Variants in PBX1 observed in about 807,000 individuals in gnomAD.
PBX1 encodes pre-B-cell leukemia transcription factor 1.
A neutral mutation model predicts 53.4 loss-of-function variants in PBX1; 6 were observed. The observed-to-expected ratio is 0.11, with a 90% confidence interval of 0.06 to 0.22. PBX1 has a LOEUF of 0.22. Among genes scored for constraint, PBX1 ranks in the 10% least tolerant of loss-of-function variants. The probability of loss-of-function intolerance (pLI) is 1.00; values close to 1 mark genes in which losing one functional copy is unlikely to be tolerated. For synonymous variants in PBX1, 204 were observed against 212.3 expected, an observed-to-expected ratio of 0.96 and a Z score of 0.34; for missense variants, 251 against 551.4, an observed-to-expected ratio of 0.46 and a Z score of 5.46.
At chr1:164,590,525 A>G (rs541529706) in intron 2 of PBX1, 8 of 455,264 alleles carry the variant, frequency 1.8e-5, no homozygotes, top group African/African-American at 1.6e-4. Flanking sequence ...GGTGAGCCTT[A>G]ATGAGGAGGA....
At chr1:164,844,730 G>A (rs1050094157) in intron 8 of PBX1, among the ~76,000 whole-genome samples, 1 of 152,124 alleles carries the variant, frequency 6.6e-6, no homozygotes, top group Admixed American at 6.6e-5. Context: ...GGTTGGGATG[G>A]GAGGCTACAA....
chr1:164,575,714 T>C (rs148741016), intron 2 of PBX1, among the ~76,000 whole-genome samples: 1,647 of 152,234 alleles, frequency 0.011, 22 homozygotes, highest in South Asian at 0.034. Flanking sequence ...TTCCTTTCTG[T>C]AGAATTTGCA....
At chr1:164,726,299 G>A (rs966308675) in intron 2 of PBX1, among the ~76,000 whole-genome samples, 8 of 152,134 alleles carry the variant, frequency 5.3e-5, no homozygotes, top group African/African-American at 1.9e-4. Flanking sequence ...CCCTGCCATG[G>A]GTTTAGTGTA....
At chr1:164,611,194 G>A (rs894966368) in intron 2 of PBX1, among the ~76,000 whole-genome samples, 1 of 152,010 alleles carries the variant, frequency 6.6e-6, no homozygotes, top group Non-Finnish European at 1.5e-5. Context: ...CCTTTTTGGG[G>A]TCTGTTTTTC....
chr1:164,612,945 G>T (rs1657031849), intron 2 of PBX1, among the ~76,000 whole-genome samples: 1 of 152,148 alleles, frequency 6.6e-6, no homozygotes, highest in Admixed American at 6.5e-5. Context: ...AAGAAAAATA[G>T]ACCTACCTCC....
At chr1:164,711,103 G>T (rs929097640) in intron 2 of PBX1, among the ~76,000 whole-genome samples, 2 of 152,022 alleles carry the variant, frequency 1.3e-5, no homozygotes, top group Non-Finnish European at 2.9e-5. Context: ...TCTGTTTATG[G>T]TAACATTTGA....
chr1:164,701,331 G>A (rs1380238619), intron 2 of PBX1, among the ~76,000 whole-genome samples: 2 of 152,214 alleles, frequency 1.3e-5, no homozygotes, highest in Non-Finnish European at 2.9e-5. Context: ...TCTCAGATAT[G>A]GATATGCCTG....
At chr1:164,644,715 T>G (rs753040970) in intron 2 of PBX1, among the ~76,000 whole-genome samples, 7 of 152,198 alleles carry the variant, frequency 4.6e-5, no homozygotes, top group Non-Finnish European at 1.0e-4. Flanking sequence ...TTAATGTGTC[T>G]TGTGCCATTT....
chr1:164,796,003 G>A (rs1668766191), intron 3 of PBX1, among the ~76,000 whole-genome samples: 1 of 150,214 alleles, frequency 6.7e-6, no homozygotes, highest in Admixed American at 6.7e-5. Flanking sequence ...ATTAAAGAAA[G>A]AAGTCTTTTG....
At chr1:164,778,640 A>C (rs1667783902) in intron 2 of PBX1, among the ~76,000 whole-genome samples, 2 of 151,638 alleles carry the variant, frequency 1.3e-5, no homozygotes, top group South Asian at 2.1e-4. Flanking sequence ...CTTTCTCAAA[A>C]AAAAAAAAAA....
chr1:164,676,910 G>C (rs1661462604), intron 2 of PBX1, among the ~76,000 whole-genome samples: 1 of 152,066 alleles, frequency 6.6e-6, no homozygotes, highest in South Asian at 2.1e-4. Context: ...TAATGTGTCA[G>C]GCTCATCTCA....
intron 4 of PBX1, among the ~76,000 whole-genome samples, chr1:164,804,671 G>A (rs1669253061): frequency 6.6e-6 from 1 of 152,162 alleles, no homozygotes; most frequent in Non-Finnish European, 1.5e-5. Flanking sequence ...CAATTAGAAT[G>A]AAACAGAAGA....
intron 2 of PBX1, chr1:164,674,857 CCCCCCA>C (rs959756542): frequency 9.0e-5 from 8 of 88,412 alleles, no homozygotes; most frequent in Admixed American, 6.2e-4. Flanking sequence ...GCCCCCCCCC[CCCCCCA>C]CCCACCACCA....
At chr1:164,601,654 T>G (rs1316864343) in intron 2 of PBX1, among the ~76,000 whole-genome samples, 1 of 152,182 alleles carries the variant, frequency 6.6e-6, no homozygotes, top group Non-Finnish European at 1.5e-5. Context: ...TCTCACCTGT[T>G]CCACGCTTAG....
chr1:164,796,762 C>T (rs974278106), intron 3 of PBX1, among the ~76,000 whole-genome samples: 1 of 152,182 alleles, frequency 6.6e-6, no homozygotes, highest in Non-Finnish European at 1.5e-5. Context: ...ATGGAGGCAG[C>T]CTGAGCTCCC....
At position 164,694,648 on chromosome 1, in the gene PBX1, C is replaced by G. The variant is rs150554508; in HGVS notation, c.266-97846C>G. Among the ~76,000 whole-genome samples, 755 of 152,250 alleles carry G rather than the reference C, an allele frequency of 5.0e-3. 7 individuals carry two copies. The highest frequency in any genetic ancestry group is 0.017 in the African/African-American group (724 of 41,560). The stretch of plus-strand genomic sequence containing the variant: ...CACAACAAGTCTTCCTCCTGTATTC[C>G]GTCTTTTATCTGCCCAATCTAGAAA... On this transcript the variant is annotated intron_variant, in intron 2 of 8. Transcript: ENST00000420696.
chr1:164,609,300 G>A (rs1003670106), intron 2 of PBX1, among the ~76,000 whole-genome samples: 11 of 151,974 alleles, frequency 7.2e-5, no homozygotes, highest in South Asian at 2.1e-4. Context: ...AAAATTGAGC[G>A]TGCTGGTTGG....
At chr1:164,581,786 T>G (rs1176808410) in intron 2 of PBX1, among the ~76,000 whole-genome samples, 7 of 152,222 alleles carry the variant, frequency 4.6e-5, no homozygotes, top group Admixed American at 6.5e-5. Flanking sequence ...AAGAAAATTT[T>G]ACAAAAGAAA....
intron 2 of PBX1, among the ~76,000 whole-genome samples, chr1:164,747,286 T>G (rs1186432838): frequency 1.3e-5 from 2 of 152,142 alleles, no homozygotes; most frequent in Non-Finnish European, 2.9e-5. Context: ...CTCCTACTTA[T>G]GTAAATTTAG....
Sources: gnomAD v4.1 joint callset for allele counts (sites outside exome capture counted in the v4.1 genomes callset) on GRCh38, gnomAD v4.1.1 for gene constraint, MANE v1.5 for transcripts, NCBI Gene and HGNC (gene_info 2026-07-23, HGNC 2026-07-21) for gene names.